The following ANK3 variants were observed in gnomAD, a reference collection of about 807,000 sequenced individuals.
ANK3 encodes the protein ankyrin-3.
A neutral mutation model predicts 370.9 loss-of-function variants in ANK3; 57 were observed. The ratio of observed to expected loss-of-function variants is 0.15; its 90% confidence interval spans 0.12 to 0.19. ANK3 has a LOEUF of 0.19. Ranked by LOEUF, ANK3 falls within the 10% of genes least tolerant of loss-of-function variation. ANK3 has a pLI of 1.00. For synonymous variants in ANK3, 1,929 were observed against 1,946.3 expected (o/e 0.99, Z 0.23); for missense variants, 4,439 against 5,302.1 (o/e 0.84, Z 5.06).
At chr10:60,103,476 G>C (rs2132076657) in intron 28 of ANK3, among the ~76,000 whole-genome samples, 1 of 57,108 alleles carries the variant, frequency 1.8e-5, no homozygotes, top group Middle Eastern at 7.9e-3. Context: ...TTTTTAAAAA[G>C]ACAGATTTGG....
At chr10:60,385,993 C>T (rs1460330499) in intron 1 of ANK3, among the ~76,000 whole-genome samples, 1 of 152,188 alleles carries the variant, frequency 6.6e-6, no homozygotes, top group Non-Finnish European at 1.5e-5. Context: ...CAACGACAGT[C>T]AATGTGCTAG....
intron 43 of ANK3, among the ~76,000 whole-genome samples, chr10:60,040,771 AC>A (rs945592662): frequency 6.6e-6 from 1 of 152,066 alleles, no homozygotes; most frequent in Non-Finnish European, 1.5e-5. Flanking sequence ...GGTGTAGGTA[AC>A]CCTTTTGGTT....
At chr10:60,151,382 T>A (rs184977552) in intron 23 of ANK3, among the ~76,000 whole-genome samples, 9 of 152,264 alleles carry the variant, frequency 5.9e-5, no homozygotes, top group African/African-American at 2.2e-4. Flanking sequence ...TTAGTTACCG[T>A]GAGATGTGAT....
In ANK3 at chr10:60,086,813, A is replaced by G; in HGVS notation, c.3612T>C (p.Thr1204=). The G allele has an allele frequency of 6.2e-7, 1 of 1,613,974 alleles. No homozygotes were observed. The highest frequency in any genetic ancestry group is 1.1e-5 in the South Asian group (1 of 91,076). The change falls in exon 30 of 44, where the codon ACT becomes ACC. Residue 1204 remains threonine (T), a synonymous_variant. Transcript: ENST00000280772. ...GGAATTTCCGTCTTCTTGGTTCCAC[A>G]GTGACAATTGGGCTAAAAGTTGCTT... ...GNKATFSPIV[T]VEPRRRKFHK...
chr10:60,679,689 C>T (rs2133389364), intron 1 of ANK3, among the ~76,000 whole-genome samples: 1 of 152,230 alleles, frequency 6.6e-6, no homozygotes, highest in African/African-American at 2.4e-5. Flanking sequence ...AAATGCAAAC[C>T]TCGGAACCAT....
chr10:60,717,170 T>C (rs2132021086), intron 1 of ANK3, among the ~76,000 whole-genome samples: 1 of 152,314 alleles, frequency 6.6e-6, no homozygotes. Context: ...GAAAAAATAA[T>C]ACCATGCTGT....
intron 1 of ANK3, among the ~76,000 whole-genome samples, chr10:60,316,399 C>T (rs1266820609): frequency 6.6e-6 from 1 of 152,150 alleles, no homozygotes; most frequent in Non-Finnish European, 1.5e-5. Flanking sequence ...GTTTGCTTGG[C>T]TCCTTCCTAG....
intron 13 of ANK3, among the ~76,000 whole-genome samples, chr10:60,199,095 GT>G (rs998921703): frequency 3.3e-5 from 5 of 152,134 alleles, no homozygotes; most frequent in Non-Finnish European, 7.3e-5. Flanking sequence ...GGCTGCATCT[GT>G]CTAAACTGGA....
chr10:60,526,144 T>G (rs1364211216), intron 2 of ANK3, among the ~76,000 whole-genome samples: 1 of 152,136 alleles, frequency 6.6e-6, no homozygotes, highest in Non-Finnish European at 1.5e-5. Context: ...ACTTGCATAA[T>G]TCCCTTAGTT....
intron 1 of ANK3, among the ~76,000 whole-genome samples, chr10:60,328,164 A>G (rs770144499): frequency 4.6e-5 from 7 of 152,176 alleles, no homozygotes; most frequent in Admixed American, 1.3e-4. Context: ...TGCAGTGGTG[A>G]CTTTTCTGAG....
chr10:60,284,142 T>C (rs2098208084), intron 1 of ANK3, among the ~76,000 whole-genome samples: 1 of 152,050 alleles, frequency 6.6e-6, no homozygotes, highest in Admixed American at 6.6e-5. Flanking sequence ...AGAGAGATGA[T>C]GGCCAAGTGA....
intron 8 of ANK3, among the ~76,000 whole-genome samples, chr10:60,216,713 G>C (rs958794203): frequency 1.3e-5 from 2 of 152,172 alleles, no homozygotes; most frequent in African/African-American, 2.4e-5. Flanking sequence ...CAGGGATACT[G>C]GTCTGAAGTT....
At chr10:60,089,173 C>T (rs2087506322) in intron 28 of ANK3, among the ~76,000 whole-genome samples, 1 of 152,206 alleles carries the variant, frequency 6.6e-6, no homozygotes, top group African/African-American at 2.4e-5. Context: ...ATGCGTGGAA[C>T]TCAACCTGTC....
intron 23 of ANK3, among the ~76,000 whole-genome samples, chr10:60,149,688 A>C (rs1281145810): frequency 6.6e-6 from 1 of 152,158 alleles, no homozygotes; most frequent in Non-Finnish European, 1.5e-5. Context: ...TGAGGTCACC[A>C]AGGATTCCCA....
intron 2 of ANK3, among the ~76,000 whole-genome samples, chr10:60,404,407 T>C (rs980097505): frequency 6.6e-6 from 1 of 151,994 alleles, no homozygotes; most frequent in Non-Finnish European, 1.5e-5. Context: ...GACACAAAGA[T>C]CAATGCAAGG....
chr10:60,605,482 A>T (rs926414408), intron 2 of ANK3, among the ~76,000 whole-genome samples: 8 of 152,132 alleles, frequency 5.3e-5, no homozygotes, highest in Admixed American at 5.2e-4. Flanking sequence ...AAATAGAGAC[A>T]CACACAGAAG....
chr10:60,471,582 G>A (rs1427721480), intron 2 of ANK3, among the ~76,000 whole-genome samples: 1 of 152,096 alleles, frequency 6.6e-6, no homozygotes. Flanking sequence ...TTGTTTTTAT[G>A]AGGATATCTA....
intron 2 of ANK3, among the ~76,000 whole-genome samples, chr10:60,585,005 T>C (rs1395711872): frequency 6.6e-6 from 1 of 152,184 alleles, no homozygotes; most frequent in Admixed American, 6.5e-5. Context: ...CGAAGGGGCA[T>C]TGGGTATCCT....
intron 2 of ANK3, among the ~76,000 whole-genome samples, chr10:60,502,475 C>T (rs1163113125): frequency 6.6e-6 from 1 of 152,188 alleles, no homozygotes; most frequent in Non-Finnish European, 1.5e-5. Context: ...GTTGCCAAAG[C>T]TCAATGACGT....
Sources: gnomAD v4.1 joint callset for allele counts (sites outside exome capture counted in the v4.1 genomes callset) on GRCh38, gnomAD v4.1.1 for gene constraint, MANE v1.5 for transcripts, NCBI Gene and HGNC (gene_info 2026-07-23, HGNC 2026-07-21) for gene names.